ALKBH3: variants seen among roughly 807,000 people sequenced by gnomAD.
ALKBH3 encodes the protein alkB homolog 3, alpha-ketoglutarate dependent dioxygenase, also known as alpha-ketoglutarate-dependent dioxygenase alkB homolog 3.
ALKBH3 carries 51 observed loss-of-function variants against 43.9 expected under a neutral mutation model. That is an observed-to-expected ratio of 1.16 (90% CI 0.93 to 1.47). The LOEUF is 1.47. Among genes scored for constraint, ALKBH3 ranks in the 40% most tolerant of loss-of-function variants. ALKBH3 has a pLI of 0.00. For synonymous variants in ALKBH3, 102 were observed against 115.2 expected (o/e 0.89, Z 0.73); for missense variants, 361 against 351.9 (o/e 1.03, Z -0.21).
At chr11:43,883,854 A>T in intron 3 of ALKBH3, 129 bp from the exon 4 acceptor site, 2 of 1,035,048 alleles carry the variant, frequency 1.9e-6, no homozygotes, top group Non-Finnish European at 2.9e-6. Flanking sequence ...CTAGTGGGTT[A>T]GTGAGAAGTT....
chr11:43,890,050 T>G (rs959102001), intron 6 of ALKBH3, among the ~76,000 whole-genome samples: 5 of 152,046 alleles, frequency 3.3e-5, no homozygotes, highest in African/African-American at 1.2e-4. Flanking sequence ...GGCAGGAGGA[T>G]AGAGGTGAGA....
intron 8 of ALKBH3, among the ~76,000 whole-genome samples, chr11:43,902,528 T>G (rs1315888897): frequency 6.6e-6 from 1 of 152,222 alleles, no homozygotes; most frequent in African/African-American, 2.4e-5. Flanking sequence ...CCAGCATTCC[T>G]GATCATTCAG....
Position 43,892,077 on chromosome 11 carries a change from A to G in ALKBH3, c.407A>G (p.Tyr136Cys). The G allele has an allele frequency of 6.2e-7, 1 of 1,613,732 alleles. No homozygotes were observed. Among genetic ancestry groups the G allele is most frequent in the Non-Finnish European group, 8.5e-7 (1 of 1,179,624 alleles). Residue 136 changes from tyrosine (Y) to cysteine (C), a missense_variant, in exon 7 of 10, where the codon TAT becomes TGT. Transcript: ENST00000302708. Reference protein sequence around the residue: ...TYQQPRLTAWYGELPYTYSRI... With the variant: ...TYQQPRLTAWCGELPYTYSRI... ...CAGCAACCAAGACTTACAGCATGGT[A>G]TGGAGAACTTCCTTACACTTATTCA...
intron 7 of ALKBH3, among the ~76,000 whole-genome samples, chr11:43,900,310 G>A (rs771546181): frequency 1.3e-4 from 16 of 127,226 alleles, no homozygotes; most frequent in Non-Finnish European, 2.0e-4. Context: ...TGCAGCCTCC[G>A]CCTCCCGGGT....
Position 43,901,594 on chromosome 11 carries a change from C to CTT in ALKBH3, c.540_541dup (p.Tyr181PhefsTer19). On this transcript the variant is annotated frameshift_variant, in exon 8 of 10. Transcript: ENST00000302708. LOFTEE classifies it high-confidence loss of function. The stretch of plus-strand genomic sequence containing the variant: ...CACCTTCAACTCCTTACTCTGCAAT[C>CTT]TTTATCGCAATGAGAAGGACAGCGT... The CTT allele has an allele frequency of 1.2e-6, 2 of 1,614,260 alleles. No homozygotes were observed. The highest frequency in any genetic ancestry group is 1.7e-6 in the Non-Finnish European group (2 of 1,180,044).
At chr11:43,886,450 T>A (rs1305002348) in intron 4 of ALKBH3, among the ~76,000 whole-genome samples, 156 bp from the exon 5 acceptor site, 1 of 152,254 alleles carries the variant, frequency 6.6e-6, no homozygotes, top group African/African-American at 2.4e-5. Flanking sequence ...TACCATGATC[T>A]TCTCAGTGGT....
intron 8 of ALKBH3, among the ~76,000 whole-genome samples, chr11:43,913,557 C>T (rs115126899): frequency 0.031 from 4,663 of 152,206 alleles, 144 homozygotes; most frequent in African/African-American, 0.08. Context: ...AGCAATTGTA[C>T]GTGTATTTGA....
At chr11:43,890,004 A>G (rs1442210851) in intron 6 of ALKBH3, among the ~76,000 whole-genome samples, 176 bp downstream of exon 6, 2 of 152,198 alleles carry the variant, frequency 1.3e-5, no homozygotes, top group Non-Finnish European at 2.9e-5. Context: ...GGCAGGAGAA[A>G]CAGCAGGTGG....
At chr11:43,896,268 TACACACACACACAC>T (rs71035662) in intron 7 of ALKBH3, among the ~76,000 whole-genome samples, 8 of 147,242 alleles carry the variant, frequency 5.4e-5, no homozygotes, top group Non-Finnish European at 9.0e-5. Context: ...ATAGGATAGA[TACACACACACACAC>T]ACACACACAC....
At chr11:43,901,126 T>A (rs113097771) in intron 7 of ALKBH3, among the ~76,000 whole-genome samples, 4 of 152,174 alleles carry the variant, frequency 2.6e-5, no homozygotes, top group Non-Finnish European at 5.9e-5. Flanking sequence ...GACTACCTAG[T>A]GACATATCGG....
intron 7 of ALKBH3, 23 bp from the exon 8 acceptor site, chr11:43,901,493 T>C (rs1212410023): frequency 1.9e-6 from 3 of 1,611,866 alleles, no homozygotes; most frequent in Non-Finnish European, 2.5e-6. Context: ...TGTCTTGCCC[T>C]TTTCTTGGTC....
At chr11:43,893,813 G>A (rs1267291726) in intron 7 of ALKBH3, among the ~76,000 whole-genome samples, 1 of 152,100 alleles carries the variant, frequency 6.6e-6, no homozygotes, top group Non-Finnish European at 1.5e-5. Context: ...GCCTTTATTG[G>A]TGATATATTT....
chr11:43,897,975 T>C, intron 7 of ALKBH3: 1 of 793,100 alleles, frequency 1.3e-6, no homozygotes, highest in Non-Finnish European at 2.3e-6. Context: ...CCCATTGGAC[T>C]CCACCTTCCA....
At chr11:43,882,528 G>A (rs1038642978) in intron 1 of ALKBH3, 55 bp from the exon 2 acceptor site, 1 of 767,250 alleles carries the variant, frequency 1.3e-6, no homozygotes, top group African/African-American at 1.8e-5. Context: ...TGCCTTAGGA[G>A]TAATTGTTCA....
intron 4 of ALKBH3, among the ~76,000 whole-genome samples, chr11:43,884,931 T>A (rs532878923): frequency 1.3e-5 from 2 of 151,360 alleles, no homozygotes; most frequent in African/African-American, 2.4e-5. Context: ...TTTTAAAAAA[T>A]TTTTTGTAGA....
At chr11:43,902,416 T>C (rs1951869523) in intron 8 of ALKBH3, among the ~76,000 whole-genome samples, 1 of 152,232 alleles carries the variant, frequency 6.6e-6, no homozygotes, top group East Asian at 1.9e-4. Flanking sequence ...GGGTTATTAA[T>C]TTTTTAAAAA....
intron 7 of ALKBH3, chr11:43,897,643 T>C: frequency 1.1e-6 from 1 of 900,574 alleles, no homozygotes; most frequent in Non-Finnish European, 1.9e-6. Context: ...AAGCTGGATG[T>C]AGATGCACCA....
chr11:43,907,973 T>C (rs1433723917), intron 8 of ALKBH3, among the ~76,000 whole-genome samples: 1 of 152,218 alleles, frequency 6.6e-6, no homozygotes, highest in African/African-American at 2.4e-5. Context: ...AGATTTTGTA[T>C]ATACCTTGGG....
intron 8 of ALKBH3, among the ~76,000 whole-genome samples, chr11:43,914,208 T>G (rs1166933506): frequency 6.6e-6 from 1 of 152,218 alleles, no homozygotes; most frequent in Non-Finnish European, 1.5e-5. Flanking sequence ...GAATAGGGCT[T>G]TAGAGCCGGG....
Sources: gnomAD v4.1 joint callset for allele counts (sites outside exome capture counted in the v4.1 genomes callset) on GRCh38, gnomAD v4.1.1 for gene constraint, MANE v1.5 for transcripts, NCBI Gene and HGNC (gene_info 2026-07-23, HGNC 2026-07-21) for gene names.